Variants in GRIK2 observed in about 807,000 individuals in gnomAD.
GRIK2 encodes the protein glutamate ionotropic receptor kainate type subunit 2.
A neutral mutation model predicts 100.3 loss-of-function variants in GRIK2; 32 were observed. The ratio of observed to expected loss-of-function variants is 0.32; its 90% CI spans 0.24 to 0.43. GRIK2 has a LOEUF of 0.43. GRIK2 is among the 20% of genes least tolerant of loss of function. The probability of loss-of-function intolerance (pLI) is 1.00; values close to 1 mark genes in which losing one functional copy is unlikely to be tolerated. For missense variants in GRIK2, 843 were observed against 1,114.9 expected, an observed-to-expected ratio of 0.76 and a Z score of 3.47; for synonymous variants, 417 against 389.4, an observed-to-expected ratio of 1.07 and a Z score of -0.83.
At chr6:101,739,911 G>A (rs1457413055) in intron 7 of GRIK2, among the ~76,000 whole-genome samples, 3 of 151,926 alleles carry the variant, frequency 2.0e-5, no homozygotes, top group Admixed American at 6.6e-5. Context: ...TTGGAGCAGG[G>A]ATTTTTTTTT....
At chr6:101,956,211 T>C (rs910330155) in intron 14 of GRIK2, among the ~76,000 whole-genome samples, 9 of 152,112 alleles carry the variant, frequency 5.9e-5, no homozygotes, top group African/African-American at 2.2e-4. Flanking sequence ...ATTCTTTGTT[T>C]TTACCCTTTG....
At chr6:101,671,793 G>A (rs759415523) in intron 4 of GRIK2, among the ~76,000 whole-genome samples, 14 of 152,248 alleles carry the variant, frequency 9.2e-5, no homozygotes, top group East Asian at 3.9e-4. Context: ...GAACCCAGGA[G>A]GCGGAGGTTG....
intron 2 of GRIK2, among the ~76,000 whole-genome samples, chr6:101,614,842 C>T (rs1221334641): frequency 6.6e-6 from 1 of 151,720 alleles, no homozygotes; most frequent in Non-Finnish European, 1.5e-5. Context: ...TGAAAAGTCT[C>T]AGAGGTTAGA....
At chr6:101,735,650 T>C (rs1200899497) in intron 7 of GRIK2, among the ~76,000 whole-genome samples, 1 of 152,174 alleles carries the variant, frequency 6.6e-6, no homozygotes, top group East Asian at 1.9e-4. Context: ...CCATCCCTAT[T>C]ATTCAGTTAT....
intron 16 of GRIK2, among the ~76,000 whole-genome samples, chr6:102,058,491 T>C (rs1582803037): frequency 6.6e-6 from 1 of 151,728 alleles, no homozygotes; most frequent in Admixed American, 6.6e-5. Flanking sequence ...TAAATAATTA[T>C]GGATTTAATG....
chr6:101,544,673 C>T (rs1015902082), intron 2 of GRIK2, among the ~76,000 whole-genome samples: 10 of 152,294 alleles, frequency 6.6e-5, no homozygotes, highest in African/African-American at 2.2e-4. Flanking sequence ...AGTGCCTCCT[C>T]TATGCTATGC....
At chr6:101,624,938 T>G (rs1230238298) in intron 3 of GRIK2, among the ~76,000 whole-genome samples, 1 of 152,146 alleles carries the variant, frequency 6.6e-6, no homozygotes, top group Non-Finnish European at 1.5e-5. Context: ...TTTTTGTTTT[T>G]CTTTTTGTTT....
At chr6:101,722,834 A>T (rs1216492612) in intron 7 of GRIK2, among the ~76,000 whole-genome samples, 2 of 152,096 alleles carry the variant, frequency 1.3e-5, no homozygotes, top group Non-Finnish European at 2.9e-5. Context: ...GCCAAAGCTG[A>T]CAGAAGAAAC....
At chr6:101,698,751 A>G (rs1289680233) in intron 7 of GRIK2, among the ~76,000 whole-genome samples, 2 of 152,218 alleles carry the variant, frequency 1.3e-5, no homozygotes, top group Non-Finnish European at 1.5e-5. Flanking sequence ...AAGAATTATC[A>G]GTTTAATAAG....
At chr6:101,833,255 G>A (rs144029814) in intron 10 of GRIK2, among the ~76,000 whole-genome samples, 1,584 of 151,986 alleles carry the variant, frequency 0.01, 13 homozygotes, top group East Asian at 0.047. Flanking sequence ...GTTTTGAGAC[G>A]GAGTCTTGCT....
chr6:101,491,383 T>A (rs188303165), intron 2 of GRIK2, among the ~76,000 whole-genome samples: 8 of 151,730 alleles, frequency 5.3e-5, no homozygotes, highest in African/African-American at 1.9e-4. Flanking sequence ...GTCAGAAATA[T>A]AGTTAGGTCC....
At chr6:101,888,100 A>G (rs1786784840) in intron 11 of GRIK2, among the ~76,000 whole-genome samples, 1 of 152,114 alleles carries the variant, frequency 6.6e-6, no homozygotes, top group African/African-American at 2.4e-5. Flanking sequence ...TCTATCAATC[A>G]CTAGAGTTGT....
At chr6:101,773,352 C>G (rs1056163436) in intron 7 of GRIK2, among the ~76,000 whole-genome samples, 4 of 151,698 alleles carry the variant, frequency 2.6e-5, no homozygotes, top group Non-Finnish European at 5.9e-5. Context: ...AGGTGGCACG[C>G]GCCTATAGTC....
intron 10 of GRIK2, among the ~76,000 whole-genome samples, chr6:101,844,818 C>G (rs1314975180): frequency 6.6e-6 from 1 of 151,976 alleles, no homozygotes; most frequent in Non-Finnish European, 1.5e-5. Context: ...TGTATTTTCT[C>G]TTTTATTTAG....
chr6:101,827,552 C>A (rs1419367526), intron 10 of GRIK2, among the ~76,000 whole-genome samples: 1 of 151,418 alleles, frequency 6.6e-6, no homozygotes, highest in Non-Finnish European at 1.5e-5. Context: ...TAATGACACC[C>A]ATAGACTCAA....
At chr6:101,880,661 C>T (rs985770557) in intron 11 of GRIK2, among the ~76,000 whole-genome samples, 1 of 151,948 alleles carries the variant, frequency 6.6e-6, no homozygotes, top group South Asian at 2.1e-4. Flanking sequence ...GGATATTTAA[C>T]ATTTTTATAA....
In GRIK2 at chr6:101,955,617, C is replaced by CTCTCTCT. The variant is rs1376723314; in HGVS notation, c.2085+26985_2085+26986insTCTCTCT. Among the ~76,000 whole-genome samples the CTCTCTCT allele has an allele frequency of 9.4e-4, 110 of 116,416 alleles. 2 individuals carry two copies. The highest frequency in any genetic ancestry group is 1.2e-3 in the Non-Finnish European group (71 of 59,376). The allele number at this position is 116,416 out of a possible 152,430, so 76.4% of individuals were successfully genotyped here. On this transcript the variant is annotated intron_variant, in intron 14 of 16. Transcript: ENST00000369134. Reference sequence around the variant, plus strand: ...CTCTCTCTCTCTCTCTCTCTCTCTCCCCCCCATTTCTTTTACAGTCAGATT... The same window carrying CTCTCTCT: ...CTCTCTCTCTCTCTCTCTCTCTCTCCTCTCTCTCCCCCATTTCTTTTACAGTCAGATT...
chr6:102,029,748 G>A (rs965828653), intron 14 of GRIK2, among the ~76,000 whole-genome samples: 6 of 151,000 alleles, frequency 4.0e-5, no homozygotes, highest in African/African-American at 1.5e-4. Flanking sequence ...ACCTTATTAG[G>A]AACATTGCCT....
intron 2 of GRIK2, among the ~76,000 whole-genome samples, chr6:101,573,590 TA>T (rs1476426775): frequency 6.6e-6 from 1 of 152,220 alleles, no homozygotes; most frequent in Non-Finnish European, 1.5e-5. Context: ...TATTCATTTC[TA>T]AATCTCTGGG....
Sources: gnomAD v4.1 joint callset for allele counts (sites outside exome capture counted in the v4.1 genomes callset) on GRCh38, gnomAD v4.1.1 for gene constraint, MANE v1.5 for transcripts, NCBI Gene and HGNC (gene_info 2026-07-23, HGNC 2026-07-21) for gene names.